The following RNF20 variants were observed in gnomAD, a reference collection of about 807,000 sequenced individuals.
RNF20 encodes the protein E3 ubiquitin-protein ligase BRE1A.
Under a neutral mutation model 126.2 loss-of-function variants are expected in RNF20, and 84 were observed. That is an observed-to-expected ratio of 0.67 (90% confidence interval 0.56 to 0.80). The LOEUF is 0.80. Ranked by LOEUF, RNF20 falls within the 30% of genes least tolerant of loss-of-function variation. The pLI is 0.00. For missense variants in RNF20, 869 were observed against 1,188.2 expected, an observed-to-expected ratio of 0.73 and a Z score of 3.95; for synonymous variants, 400 against 414.3, an observed-to-expected ratio of 0.97 and a Z score of 0.42.
At chr9:101,546,785 C>A (rs1266975952) in intron 6 of RNF20, 35 bp from the exon 7 acceptor site, 2 of 1,607,598 alleles carry the variant, frequency 1.2e-6, no homozygotes, top group East Asian at 4.5e-5. Flanking sequence ...TCTTTTTTTG[C>A]TATATGTTTC....
At chr9:101,548,191 A>G (rs909062619) in intron 9 of RNF20, among the ~76,000 whole-genome samples, 1 of 152,184 alleles carries the variant, frequency 6.6e-6, no homozygotes, top group Non-Finnish European at 1.5e-5. Flanking sequence ...AACAGCATGG[A>G]TATATTTAGA....
chr9:101,538,721 G>A (rs1371942795), intron 2 of RNF20, among the ~76,000 whole-genome samples: 1 of 152,118 alleles, frequency 6.6e-6, no homozygotes, highest in East Asian at 1.9e-4. Context: ...GACTACTTTG[G>A]CATATTAGGA....
intron 9 of RNF20, among the ~76,000 whole-genome samples, chr9:101,548,234 G>A (rs538861563): frequency 4.9e-4 from 74 of 152,186 alleles, no homozygotes; most frequent in Non-Finnish European, 9.6e-4. Flanking sequence ...AACCAAGCAC[G>A]GAAAGGCAAA....
chr9:101,547,557 T>G (rs2118701072), intron 9 of RNF20, 39 bp downstream of exon 9: 1 of 1,611,884 alleles, frequency 6.2e-7, no homozygotes, highest in East Asian at 2.2e-5. Flanking sequence ...AATCAGACGT[T>G]CTGCTGATCA....
intron 5 of RNF20, among the ~76,000 whole-genome samples, chr9:101,542,120 G>T (rs893747713): frequency 6.6e-6 from 1 of 152,196 alleles, no homozygotes; most frequent in Non-Finnish European, 1.5e-5. Flanking sequence ...GAGCATATAA[G>T]AATTGTATTA....
chr9:101,561,501 A>AT (rs1827627983), intron 18 of RNF20: 1 of 441,216 alleles, frequency 2.3e-6, no homozygotes. Context: ...GCAGTAGAGG[A>AT]TTTTCAAGTT....
In RNF20 at chr9:101,552,143, C is replaced by A. The variant is rs1827457534; in HGVS notation, c.1411C>A (p.Pro471Thr). 6.2e-7 allele frequency: 1 copy of A among 1,613,874 alleles called. No individual in the cohort carries two copies. Among genetic ancestry groups the A allele is most frequent in the Admixed American group, 1.7e-5 (1 of 59,978 alleles). ...ACATTGTTGTTCCTGTATTTAAGGC[C>A]CTATAAACAGGGAGATGCGCCACCT... ...QTLAANEQAG[P>T]INREMRHLIS... The change falls in exon 12 of 20, where the codon CCT becomes ACT. Residue 471 changes from proline (P) to threonine (T), a missense_variant and splice_region_variant. Transcript: ENST00000389120.
Position 101,550,601 on chromosome 9 carries a change from C to G in RNF20, c.1093-5C>G, listed in dbSNP as rs749061096. 3.1e-6 allele frequency: 5 copies of G among 1,612,878 alleles called. No individual in the cohort carries two copies. In the South Asian group the frequency reaches 3.3e-5, roughly 11 times the overall value. On this transcript the variant is annotated splice_region_variant and splice_polypyrimidine_tract_variant and intron_variant, in intron 9 of 19. Transcript: ENST00000389120. Reference sequence around the variant, plus strand: ...GCTTCTGACTTTGCTTTGGGCCCTCCTAAGGTGGAATTGCGGAGTGCAGTG... The same window carrying G: ...GCTTCTGACTTTGCTTTGGGCCCTCGTAAGGTGGAATTGCGGAGTGCAGTG...
At chr9:101,544,283 G>A (rs1057096841) in intron 5 of RNF20, among the ~76,000 whole-genome samples, 13 of 152,210 alleles carry the variant, frequency 8.5e-5, no homozygotes, top group Non-Finnish European at 1.8e-4. Flanking sequence ...AAGAGCATAT[G>A]ATTCTTGCTT....
intron 15 of RNF20, among the ~76,000 whole-genome samples, chr9:101,555,789 T>TAAA (rs770343625): frequency 7.5e-6 from 1 of 133,588 alleles, no homozygotes; most frequent in African/African-American, 2.8e-5. Flanking sequence ...CCATCACTAT[T>TAAA]AAAAAAAAAA....
In RNF20 at chr9:101,551,674, C is replaced by T. The variant is rs1170175182; in HGVS notation, c.1273-10C>T. ...AGAATTTTTTTATTGGTTCCTTTATCTGTGTGTAGCGAGATGAGGTTAGTC... is the reference window on the plus strand; with the variant it reads ...AGAATTTTTTTATTGGTTCCTTTATTTGTGTGTAGCGAGATGAGGTTAGTC... On this transcript the variant is annotated splice_polypyrimidine_tract_variant and intron_variant, in intron 10 of 19. Coordinates refer to ENST00000389120, the MANE Select transcript of RNF20 (RefSeq NM_019592.7). The T allele has an allele frequency of 7.5e-7, 1 of 1,333,720 alleles. No individual in the cohort carries two copies. Among genetic ancestry groups the T allele is most frequent in the Non-Finnish European group, 9.7e-7 (1 of 1,028,400 alleles). The allele number at this position is 1,333,720 out of a possible 1,614,324, so 82.6% of individuals were successfully genotyped here. A position where few individuals can be genotyped will look rare whatever the true frequency, so the allele number is the denominator to read the frequency against.
chr9:101,537,864 G>A (rs1471350548), intron 2 of RNF20, among the ~76,000 whole-genome samples: 2 of 152,198 alleles, frequency 1.3e-5, no homozygotes, highest in Admixed American at 6.5e-5. Flanking sequence ...ACCTTTGTTG[G>A]TGAAATAGTG....
At chr9:101,543,946 G>GA (rs886554462) in intron 5 of RNF20, among the ~76,000 whole-genome samples, 3 of 152,160 alleles carry the variant, frequency 2.0e-5, no homozygotes. Flanking sequence ...AGCCTAGCTT[G>GA]AAAACCATGA....
At chr9:101,557,098 A>AC (rs1189629351) in intron 15 of RNF20, among the ~76,000 whole-genome samples, 1 of 152,210 alleles carries the variant, frequency 6.6e-6, no homozygotes, top group East Asian at 1.9e-4. Flanking sequence ...AGTACTCTTA[A>AC]CCAATTGCTG....
In RNF20 at chr9:101,540,881, G is replaced by A. The variant is rs1165175090; in HGVS notation, c.534G>A (p.Val178=). 6.2e-7 allele frequency: 1 copy of A among 1,613,850 alleles called. No individual in the cohort carries two copies. Among genetic ancestry groups the A allele is most frequent in the East Asian group, 2.2e-5 (1 of 44,876 alleles). ...TGGAGTCTCAGCTGCAGGAACGTGT[G>A]GAGTCTTCCCGCCGAGCCGTGTCCC... The part of the protein sequence containing the change: ...EEMESQLQER[V]ESSRRAVSQI... Residue 178 remains valine, a synonymous_variant, in exon 5 of 20, where the codon GTG becomes GTA. Transcript: ENST00000389120.
intron 15 of RNF20, among the ~76,000 whole-genome samples, chr9:101,556,942 A>G (rs954326463): frequency 6.6e-6 from 1 of 152,216 alleles, no homozygotes; most frequent in Non-Finnish European, 1.5e-5. Flanking sequence ...AAAATGAGAT[A>G]GATATAAAGT....
intron 15 of RNF20, among the ~76,000 whole-genome samples, chr9:101,555,517 A>G (rs939326774): frequency 1.3e-5 from 2 of 152,154 alleles, no homozygotes; most frequent in Admixed American, 6.5e-5. Flanking sequence ...CCATATATGT[A>G]TTCTCTGTTA....
In RNF20 at chr9:101,558,475, T is replaced by C. The variant is rs571133195; in HGVS notation, c.2382+879T>C. Reference sequence around the variant, plus strand: ...GGTCTACTTTTAGTTCATTAAGGACTCTCCATACTGTTTTCCATAGTGATT... The same window carrying C: ...GGTCTACTTTTAGTTCATTAAGGACCCTCCATACTGTTTTCCATAGTGATT... On this transcript the variant is annotated intron_variant, in intron 16 of 19. Transcript: ENST00000389120. Among the ~76,000 whole-genome samples, 3 of 152,300 alleles carry C rather than the reference T, an allele frequency of 2.0e-5. No homozygotes were observed. The South Asian group carries it at 6.2e-4, about 32-fold the overall frequency.
At chr9:101,539,295 C>A (rs867132109) in intron 2 of RNF20, among the ~76,000 whole-genome samples, 1 of 152,228 alleles carries the variant, frequency 6.6e-6, no homozygotes, top group Middle Eastern at 3.4e-3. Flanking sequence ...GTTTGATGAA[C>A]TTCTCTAGAA....
Sources: gnomAD v4.1 joint callset for allele counts (sites outside exome capture counted in the v4.1 genomes callset) on GRCh38, gnomAD v4.1.1 for gene constraint, MANE v1.5 for transcripts, NCBI Gene and HGNC (gene_info 2026-07-23, HGNC 2026-07-21) for gene names.